Variants in DAB1 observed in about 807,000 individuals in gnomAD.
The protein encoded by DAB1 is DAB adaptor protein 1, also known as disabled homolog 1.
Under a neutral mutation model 64.6 loss-of-function variants are expected in DAB1, and 15 were observed. The observed-to-expected ratio is 0.23, with a 90% CI of 0.16 to 0.36. DAB1 has a LOEUF of 0.36. Ranked by LOEUF, DAB1 falls within the 10% of genes least tolerant of loss-of-function variation. The pLI, the probability that DAB1 is intolerant of heterozygous loss-of-function variation, is 1.00. For missense variants in DAB1, 596 were observed against 706.7 expected (o/e 0.84, Z 1.78); for synonymous variants, 235 against 251.9 (o/e 0.93, Z 0.64).
intron 6 of DAB1, among the ~76,000 whole-genome samples, chr1:57,688,027 C>CA (rs1402834448): frequency 6.6e-6 from 1 of 152,056 alleles, no homozygotes; most frequent in Non-Finnish European, 1.5e-5. Flanking sequence ...GCTAAGTGCC[C>CA]AAAAGCAATT....
chr1:57,754,600 C>G (rs1035351888), intron 6 of DAB1, among the ~76,000 whole-genome samples: 2 of 151,444 alleles, frequency 1.3e-5, no homozygotes, highest in East Asian at 3.9e-4. Context: ...GCAGGAGAAT[C>G]GCTTGAAAAA....
At chr1:58,261,270 G>A (rs1421965404) in intron 4 of DAB1, among the ~76,000 whole-genome samples, 1 of 152,148 alleles carries the variant, frequency 6.6e-6, no homozygotes, top group Non-Finnish European at 1.5e-5. Context: ...TAACAGTAAA[G>A]AGAGAAACCA....
At chr1:57,662,909 T>A (rs1267212653) in intron 6 of DAB1, among the ~76,000 whole-genome samples, 1 of 152,218 alleles carries the variant, frequency 6.6e-6, no homozygotes, top group African/African-American at 2.4e-5. Flanking sequence ...TATTTTAGCA[T>A]CATTCTGCAA....
At chr1:58,132,485 C>T (rs1445416177) in intron 5 of DAB1, among the ~76,000 whole-genome samples, 2 of 152,126 alleles carry the variant, frequency 1.3e-5, no homozygotes, top group Non-Finnish European at 2.9e-5. Context: ...GCTCCTCCCC[C>T]CGGGGCCAAT....
At chr1:57,121,934 T>TG (rs891600087) in intron 4 of DAB1, among the ~76,000 whole-genome samples, 1 of 152,090 alleles carries the variant, frequency 6.6e-6, no homozygotes, top group Admixed American at 6.6e-5. Context: ...TCTGTGGTTG[T>TG]GGGGGGTCAG....
chr1:57,879,877 C>G (rs1363081843), intron 1 of DAB1, among the ~76,000 whole-genome samples: 1 of 152,120 alleles, frequency 6.6e-6, no homozygotes, highest in African/African-American at 2.4e-5. Flanking sequence ...AAAGCCCAAA[C>G]GCAGGGAACA....
intron 5 of DAB1, among the ~76,000 whole-genome samples, chr1:58,068,780 A>C (rs74989055): frequency 0.15 from 19,901 of 134,656 alleles, 861 homozygotes; most frequent in East Asian, 0.25. Context: ...AAAAAAAAAA[A>C]CCAAAAAAAA....
At chr1:58,221,151 T>C (rs1416358838) in intron 4 of DAB1, among the ~76,000 whole-genome samples, 1 of 151,768 alleles carries the variant, frequency 6.6e-6, no homozygotes, top group Non-Finnish European at 1.5e-5. Flanking sequence ...CATATACACA[T>C]ATTTCTTTTC....
intron 5 of DAB1, among the ~76,000 whole-genome samples, chr1:58,075,554 C>T (rs532586980): frequency 6.6e-6 from 1 of 152,292 alleles, no homozygotes; most frequent in South Asian, 2.1e-4. Context: ...ATAGAAGGAG[C>T]AAAACCTGTG....
At chr1:57,257,266 C>T (rs2100543198) in intron 2 of DAB1, among the ~76,000 whole-genome samples, 1 of 152,316 alleles carries the variant, frequency 6.6e-6, no homozygotes, top group African/African-American at 2.4e-5. Context: ...AACAAATTGC[C>T]TAGATGTCTC....
At chr1:58,375,983 G>A (rs1644320849) in intron 3 of DAB1, among the ~76,000 whole-genome samples, 1 of 149,522 alleles carries the variant, frequency 6.7e-6, no homozygotes, top group African/African-American at 2.5e-5. Context: ...GGTGTTTGCA[G>A]TATTCTCTGA....
chr1:58,480,939 A>T, intron 3 of DAB1: 1 of 842,238 alleles, frequency 1.2e-6, no homozygotes. Flanking sequence ...CATTCTTCAT[A>T]TATCTTGTGT....
chr1:58,453,096 T>A (rs1403835878), intron 3 of DAB1, among the ~76,000 whole-genome samples: 3 of 152,106 alleles, frequency 2.0e-5, no homozygotes, highest in Non-Finnish European at 4.4e-5. Context: ...CATGGATGAA[T>A]CTCAAAGGCA....
chr1:58,099,788 G>A (rs765872332), intron 5 of DAB1, among the ~76,000 whole-genome samples: 3 of 152,168 alleles, frequency 2.0e-5, no homozygotes, highest in Admixed American at 6.5e-5. Context: ...CAGGAAAAAA[G>A]TTTATTGTGC....
At chr1:57,177,153 C>G (rs1662420888) in intron 2 of DAB1, among the ~76,000 whole-genome samples, 1 of 151,966 alleles carries the variant, frequency 6.6e-6, no homozygotes, top group Admixed American at 6.6e-5. Context: ...CCAGCACTTA[C>G]CTTCTATTAA....
At chr1:57,378,796 G>A (rs542019710) in intron 1 of DAB1, among the ~76,000 whole-genome samples, 27 of 152,234 alleles carry the variant, frequency 1.8e-4, no homozygotes, top group Admixed American at 6.5e-4. Context: ...ATGCCTCAGC[G>A]ACTTGGAGGG....
intron 1 of DAB1, among the ~76,000 whole-genome samples, chr1:57,318,683 A>G (rs1446739634): frequency 6.6e-6 from 1 of 151,556 alleles, no homozygotes; most frequent in Non-Finnish European, 1.5e-5. Flanking sequence ...GACTCAATAT[A>G]ATAAATGCAG....
chr1:58,063,709 C>T (rs1648657379), intron 5 of DAB1, among the ~76,000 whole-genome samples: 1 of 152,304 alleles, frequency 6.6e-6, no homozygotes, highest in African/African-American at 2.4e-5. Context: ...GCTTTCCCTG[C>T]ATTATCTTGC....
At chr1:57,452,166 CTTT>C (rs78592207) in intron 7 of DAB1, among the ~76,000 whole-genome samples, 2 of 75,008 alleles carry the variant, frequency 2.7e-5, no homozygotes, top group Non-Finnish European at 2.3e-5. Context: ...TGCACCCCCC[CTTT>C]TTTTTTTTTT....
Sources: gnomAD v4.1 joint callset for allele counts (sites outside exome capture counted in the v4.1 genomes callset) on GRCh38, gnomAD v4.1.1 for gene constraint, MANE v1.5 for transcripts, NCBI Gene and HGNC (gene_info 2026-07-23, HGNC 2026-07-21) for gene names.